PALLD: variants seen among roughly 807,000 people sequenced by gnomAD.
The protein encoded by PALLD is palladin.
Under a neutral mutation model 123.5 loss-of-function variants are expected in PALLD, and 61 were observed. That is an observed-to-expected ratio of 0.49 (90% confidence interval 0.40 to 0.61). The LOEUF (loss-of-function observed/expected upper bound fraction) is 0.61, where lower values mean the gene tolerates loss of function less well. PALLD is among the 20% of genes least tolerant of loss of function. PALLD has a pLI of 0.00. For missense variants in PALLD, 1,273 were observed against 1,377.0 expected (o/e 0.92, Z 1.20); for synonymous variants, 465 against 496.4 (o/e 0.94, Z 0.84).
intron 9 of PALLD, 27 bp downstream of exon 9, chr4:168,709,174 G>T: frequency 6.2e-7 from 1 of 1,612,076 alleles, no homozygotes; most frequent in Non-Finnish European, 8.5e-7. Context: ...AAAAATGACT[G>T]GGTTCTGTTC....
intron 16 of PALLD, 88 bp from the exon 17 acceptor site, chr4:168,915,807 C>A (rs374118116): frequency 1.0e-6 from 1 of 972,516 alleles, no homozygotes; most frequent in South Asian, 1.3e-5. Context: ...TATTATTACC[C>A]CATGTATTTT....
chr4:168,703,674 T>C (rs1402325663), intron 8 of PALLD, among the ~76,000 whole-genome samples: 3 of 138,590 alleles, frequency 2.2e-5, no homozygotes, highest in Admixed American at 2.1e-4. Flanking sequence ...GATGAGCATT[T>C]TTTCATGTGT....
At chr4:168,852,533 C>G (rs1211917918) in intron 10 of PALLD, among the ~76,000 whole-genome samples, 1 of 152,062 alleles carries the variant, frequency 6.6e-6, no homozygotes, top group Admixed American at 6.6e-5. Flanking sequence ...GCCAGCTACT[C>G]GGGAGGCTGA....
chr4:168,739,383 A>G (rs1275822812), intron 10 of PALLD, among the ~76,000 whole-genome samples: 1 of 152,222 alleles, frequency 6.6e-6, no homozygotes, highest in Non-Finnish European at 1.5e-5. Flanking sequence ...CATTCCCACC[A>G]ACAATATATA....
At chr4:168,728,299 T>A (rs1029910252) in intron 10 of PALLD, among the ~76,000 whole-genome samples, 8 of 152,162 alleles carry the variant, frequency 5.3e-5, no homozygotes, top group Non-Finnish European at 8.8e-5. Context: ...CTTTGGGTGG[T>A]ATGGGTATTT....
intron 3 of PALLD, among the ~76,000 whole-genome samples, chr4:168,676,598 T>G (rs1244053294): frequency 2.7e-5 from 4 of 150,872 alleles, no homozygotes; most frequent in African/African-American, 9.7e-5. Flanking sequence ...ATTTTTTTTT[T>G]GAAAAGTCTC....
intron 2 of PALLD, among the ~76,000 whole-genome samples, chr4:168,656,134 A>T (rs546462371): frequency 6.6e-6 from 1 of 152,164 alleles, no homozygotes; most frequent in East Asian, 1.9e-4. Context: ...ACAATAGCTA[A>T]TAATTACCTG....
At chr4:168,819,583 T>C (rs528636435) in intron 10 of PALLD, among the ~76,000 whole-genome samples, 1 of 152,336 alleles carries the variant, frequency 6.6e-6, no homozygotes, top group East Asian at 1.9e-4. Flanking sequence ...ATTTAATCTT[T>C]CCATGCTTTT....
Position 168,625,502 on chromosome 4 carries a change from G to GATAGATAGATATATATATATATAT in PALLD, c.909-42685_909-42684insGATAGATATATATATATATATATA. Among the ~76,000 whole-genome samples the GATAGATAGATATATATATATATAT allele has an allele frequency of 4.3e-3, 493 of 114,434 alleles. 13 individuals are homozygous for GATAGATAGATATATATATATATAT. Among genetic ancestry groups the GATAGATAGATATATATATATATAT allele is most frequent in the African/African-American group, 0.015 (438 of 29,998 alleles). The allele number at this position is 114,434 out of a possible 152,430, so 75.1% of individuals were successfully genotyped here. On this transcript the variant is annotated intron_variant, in intron 2 of 21. Transcript: ENST00000505667. The stretch of plus-strand genomic sequence containing the variant: ...TCCAATAAGGGATTAATATCCAGGA[G>GATAGATAGATATATATATATATAT]ATATATATATATATATCCTATAAGG...
intron 21 of PALLD, among the ~76,000 whole-genome samples, chr4:168,925,977 G>T (rs921523046): frequency 5.4e-5 from 8 of 148,834 alleles, no homozygotes; most frequent in African/African-American, 2.0e-4. Context: ...AAAAAAAAAA[G>T]ATAAACTACA....
intron 10 of PALLD, among the ~76,000 whole-genome samples, chr4:168,780,199 T>C (rs1581431351): frequency 1.3e-5 from 2 of 152,316 alleles, no homozygotes; most frequent in East Asian, 3.9e-4. Flanking sequence ...GCACCTGGTC[T>C]CACTACGTTA....
chr4:168,830,451 G>A (rs1035521086), intron 10 of PALLD, among the ~76,000 whole-genome samples: 15 of 151,824 alleles, frequency 9.9e-5, no homozygotes, highest in African/African-American at 3.6e-4. Flanking sequence ...GATCACTTGA[G>A]CCTGGGAGGT....
At chr4:168,839,563 T>G (rs1745715718) in intron 10 of PALLD, among the ~76,000 whole-genome samples, 1 of 123,272 alleles carries the variant, frequency 8.1e-6, no homozygotes, top group South Asian at 3.0e-4. Context: ...ACAAGTGGTG[T>G]TGGTGGGATG....
At chr4:168,578,793 A>T (rs562161395) in intron 2 of PALLD, among the ~76,000 whole-genome samples, 1 of 151,896 alleles carries the variant, frequency 6.6e-6, no homozygotes, top group Admixed American at 6.6e-5. Flanking sequence ...CAATGGATAG[A>T]TAGATAGTCC....
At chr4:168,846,261 A>G (rs780559589) in intron 10 of PALLD, among the ~76,000 whole-genome samples, 7 of 152,232 alleles carry the variant, frequency 4.6e-5, no homozygotes, top group Non-Finnish European at 7.3e-5. Flanking sequence ...GGAAGTCTCA[A>G]GTTTTCTCAT....
At chr4:168,673,711 G>T (rs1021521519) in intron 3 of PALLD, among the ~76,000 whole-genome samples, 1 of 152,142 alleles carries the variant, frequency 6.6e-6, no homozygotes, top group South Asian at 2.1e-4. Flanking sequence ...TTCAGAGGCA[G>T]GTCCAAAACC....
At chr4:168,538,358 A>T (rs1765284848) in intron 2 of PALLD, among the ~76,000 whole-genome samples, 1 of 152,182 alleles carries the variant, frequency 6.6e-6, no homozygotes, top group Non-Finnish European at 1.5e-5. Context: ...TACAAAGAAA[A>T]TTGAAAGATT....
chr4:168,695,628 T>C (rs546333259), intron 8 of PALLD, among the ~76,000 whole-genome samples: 2 of 152,272 alleles, frequency 1.3e-5, no homozygotes, highest in African/African-American at 2.4e-5. Context: ...TGAAAATCCA[T>C]GTAAAACATG....
At chr4:168,845,226 G>T (rs1014965934) in intron 10 of PALLD, among the ~76,000 whole-genome samples, 1 of 152,084 alleles carries the variant, frequency 6.6e-6, no homozygotes, top group African/African-American at 2.4e-5. Flanking sequence ...CAAGGGATAC[G>T]GTCAGAAATC....
Sources: gnomAD v4.1 joint callset for allele counts (sites outside exome capture counted in the v4.1 genomes callset) on GRCh38, gnomAD v4.1.1 for gene constraint, MANE v1.5 for transcripts, NCBI Gene and HGNC (gene_info 2026-07-23, HGNC 2026-07-21) for gene names.